The following TDRD12 variants were observed in gnomAD, a reference collection of about 807,000 sequenced individuals.
TDRD12 encodes the protein tudor domain containing 12.
A neutral mutation model predicts 133.5 loss-of-function variants in TDRD12; 158 were observed. The observed-to-expected ratio is 1.18, with a 90% CI of 1.04 to 1.35. The LOEUF is 1.35. TDRD12 is among the 40% of genes most tolerant of loss of function. TDRD12 has a pLI of 0.00. For synonymous variants in TDRD12, 460 were observed against 477.9 expected (o/e 0.96, Z 0.49); for missense variants, 1,443 against 1,321.3 (o/e 1.09, Z -1.43).
At chr19:32,779,823 T>C (rs572717074) in intron 11 of TDRD12, among the ~76,000 whole-genome samples, 2 of 152,238 alleles carry the variant, frequency 1.3e-5, no homozygotes, top group East Asian at 3.9e-4. Context: ...AGTACTTTCA[T>C]AACTGGTTAA....
chr19:32,824,980 G>A (rs1030962016), downstream of TDRD12, among the ~76,000 whole-genome samples: 2 of 152,134 alleles, frequency 1.3e-5, no homozygotes, highest in Admixed American at 6.5e-5. Flanking sequence ...TCTTGTTCGC[G>A]TTCAGTGGCA....
intron 13 of TDRD12, among the ~76,000 whole-genome samples, chr19:32,792,115 A>C (rs1971091045): frequency 6.6e-6 from 1 of 152,002 alleles, no homozygotes; most frequent in Non-Finnish European, 1.5e-5. Context: ...GCATGGTGGT[A>C]CATGCCTGTA....
At chr19:32,761,762 T>C (rs1481105873) in intron 8 of TDRD12, among the ~76,000 whole-genome samples, 2 of 152,100 alleles carry the variant, frequency 1.3e-5, no homozygotes, top group East Asian at 3.9e-4. Context: ...TGATCTCAGC[T>C]CATGGCAACC....
exon 1 of TDRD12, chr19:32,719,992 G>A: frequency 6.6e-7 from 1 of 1,505,894 alleles, no homozygotes; most frequent in Non-Finnish European, 9.0e-7. Context: ...GGCCTGGCCG[G>A]GGCGGACGCA....
exon 1 of TDRD12, chr19:32,720,076 C>A (rs2145387866): frequency 6.5e-7 from 1 of 1,548,522 alleles, no homozygotes; most frequent in African/African-American, 1.4e-5. Context: ...CAGGAGGATG[C>A]TCCAGCTCCT....
intron 4 of TDRD12, among the ~76,000 whole-genome samples, chr19:32,746,750 G>T (rs1392824875): frequency 8.0e-5 from 12 of 150,652 alleles, no homozygotes; most frequent in African/African-American, 2.9e-4. Context: ...GTGTGTGAGA[G>T]AGACGGGGAG....
At chr19:32,790,982 C>T (rs192897463) in exon 13 of TDRD12, 1 of 1,536,046 alleles carries the variant, frequency 6.5e-7, no homozygotes, top group African/African-American at 1.4e-5. Context: ...GCTGAAGGGC[C>T]TGCAGCCGCC....
rs1568471751 is a variant in TDRD12, at chr19:32,777,139, T to C, written c.1041-10T>C. ...ACAAATTTTAATGAATTTTTTTTTTTCATTTCTAGTGCTTTAAGTCAGAAG... is the reference window on the plus strand; with the variant it reads ...ACAAATTTTAATGAATTTTTTTTTTCCATTTCTAGTGCTTTAAGTCAGAAG... On this transcript the variant is annotated splice_polypyrimidine_tract_variant and intron_variant, in intron 10 of 27. Coordinates refer to ENST00000444215, the Ensembl canonical transcript of TDRD12. 2.0e-6 allele frequency: 3 copies of C among 1,521,684 alleles called. No individual in the cohort carries two copies. Among genetic ancestry groups the C allele is most frequent in the Middle Eastern group, 1.7e-4 (1 of 5,904 alleles). 94.3% of individuals were successfully genotyped at this position (1,521,684 alleles called of 1,614,324 possible).
chr19:32,728,260 G>T (rs746078660), intron 1 of TDRD12, among the ~76,000 whole-genome samples: 8 of 152,176 alleles, frequency 5.3e-5, no homozygotes, highest in Non-Finnish European at 1.0e-4. Context: ...GGGATTTCAT[G>T]TGAATTTTAG....
At chr19:32,792,576 A>C (rs1370065954) in intron 13 of TDRD12, among the ~76,000 whole-genome samples, 1 of 152,158 alleles carries the variant, frequency 6.6e-6, no homozygotes, top group Non-Finnish European at 1.5e-5. Flanking sequence ...AGGAGGAAAA[A>C]TTTTTGAGGG....
chr19:32,811,087 A>C, intron 23 of TDRD12, 123 bp from the exon 24 acceptor site: 2 of 727,672 alleles, frequency 2.7e-6, no homozygotes, highest in Non-Finnish European at 4.4e-6. Flanking sequence ...TTTTATTTCT[A>C]GTATAGAGTA....
chr19:32,781,300 G>A (rs1277022070), intron 11 of TDRD12, among the ~76,000 whole-genome samples: 1 of 152,100 alleles, frequency 6.6e-6, no homozygotes, highest in Non-Finnish European at 1.5e-5. Context: ...CTAAACTCAG[G>A]TTCTCACTTG....
At chr19:32,742,737 T>TA (rs1969468900) in intron 3 of TDRD12, 44 bp from the exon 4 acceptor site, 1 of 1,530,808 alleles carries the variant, frequency 6.5e-7, no homozygotes, top group Non-Finnish European at 8.8e-7. Flanking sequence ...GTATGTTATA[T>TA]ATAATTTTCT....
intron 4 of TDRD12, among the ~76,000 whole-genome samples, chr19:32,744,357 A>G (rs1406245380): frequency 6.6e-6 from 1 of 151,528 alleles, no homozygotes; most frequent in Non-Finnish European, 1.5e-5. Flanking sequence ...AAAATTAGCC[A>G]GGCGCAGTGG....
At chr19:32,743,672 T>C (rs1440995622) in intron 4 of TDRD12, among the ~76,000 whole-genome samples, 1 of 151,420 alleles carries the variant, frequency 6.6e-6, no homozygotes, top group Non-Finnish European at 1.5e-5. Flanking sequence ...TACACACACT[T>C]ATCTATGTGG....
intron 8 of TDRD12, among the ~76,000 whole-genome samples, chr19:32,763,851 C>G (rs112291080): frequency 0.014 from 2,199 of 152,302 alleles, 22 homozygotes; most frequent in Non-Finnish European, 0.021. Context: ...CATTCTGAGT[C>G]TCTCTGTCCA....
chr19:32,754,855 T>C (rs1322456049), intron 6 of TDRD12, among the ~76,000 whole-genome samples: 2 of 152,092 alleles, frequency 1.3e-5, no homozygotes, highest in Admixed American at 6.6e-5. Context: ...TTTTGTATTT[T>C]TAGTAGAGAC....
At chr19:32,784,840 C>T (rs1970861622) in intron 11 of TDRD12, among the ~76,000 whole-genome samples, 1 of 152,108 alleles carries the variant, frequency 6.6e-6, no homozygotes. Flanking sequence ...TCCCCTTTAT[C>T]ATTTTTTATT....
At chr19:32,787,873 A>C (rs1443514117) in intron 11 of TDRD12, among the ~76,000 whole-genome samples, 1 of 151,968 alleles carries the variant, frequency 6.6e-6, no homozygotes, top group East Asian at 1.9e-4. Context: ...GGAAAGGGAA[A>C]CCTTTCCCCT....
Sources: gnomAD v4.1 joint callset for allele counts (sites outside exome capture counted in the v4.1 genomes callset) on GRCh38, gnomAD v4.1.1 for gene constraint, MANE v1.5 for transcripts, NCBI Gene and HGNC (gene_info 2026-07-23, HGNC 2026-07-21) for gene names.